NISCH: variants seen among roughly 807,000 people sequenced by gnomAD.
NISCH encodes the protein I-1 receptor candidate protein.
A neutral mutation model predicts 138.4 loss-of-function variants in NISCH; 55 were observed. The ratio of observed to expected loss-of-function variants is 0.40; its 90% CI spans 0.32 to 0.50. NISCH has a LOEUF of 0.50. NISCH is among the 20% of genes least tolerant of loss of function. The pLI is 0.71. For missense variants in NISCH, 1,643 were observed against 2,005.5 expected (o/e 0.82, Z 3.45); for synonymous variants, 860 against 861.5 (o/e 1.00, Z 0.03).
chr3:52,474,819 T>A (rs1296358483), intron 7 of NISCH, among the ~76,000 whole-genome samples: 2 of 152,224 alleles, frequency 1.3e-5, no homozygotes, highest in Non-Finnish European at 2.9e-5. Context: ...CTTAGATTGC[T>A]CCTCTAAGCT....
chr3:52,486,249 C>T (rs954095004), intron 15 of NISCH, among the ~76,000 whole-genome samples: 2 of 151,952 alleles, frequency 1.3e-5, no homozygotes, highest in Admixed American at 6.6e-5. Flanking sequence ...CTGAGTAGCC[C>T]GGACCACAGG....
intron 20 of NISCH, 89 bp from the exon 21 acceptor site, chr3:52,491,781 CGG>C: frequency 1.4e-6 from 2 of 1,453,880 alleles, no homozygotes; most frequent in Non-Finnish European, 1.9e-6. Context: ...TGTCTCATGC[CGG>C]GGTCTCTCGG....
chr3:52,457,536 A>G (rs1187755806), intron 1 of NISCH, among the ~76,000 whole-genome samples: 1 of 152,180 alleles, frequency 6.6e-6, no homozygotes, highest in Non-Finnish European at 1.5e-5. Flanking sequence ...TAAAGAGGTG[A>G]CTTGTGGTAA....
intron 3 of NISCH, among the ~76,000 whole-genome samples, chr3:52,461,382 A>G (rs1706627756): frequency 6.6e-6 from 1 of 152,216 alleles, no homozygotes; most frequent in Non-Finnish European, 1.5e-5. Context: ...CAGGTGGAAA[A>G]GTAGATAGCA....
At position 52,487,889 on chromosome 3, in the gene NISCH, C is replaced by T; in HGVS notation, c.2397C>T (p.Asn799=). ...NTLFIISDAA[N]LHEFHADLRS... ...TCTTCATTATCTCGGACGCCGCCAA[C>T]CTGCACGAGTTCCACGCGGACCTGC... The change falls in exon 16 of 21, where the codon AAC becomes AAT. Residue 799 remains asparagine (N), a synonymous_variant. Coordinates refer to ENST00000345716, the MANE Select transcript of NISCH (RefSeq NM_007184.4). The surrounding 1 kb of genome is among the most constrained non-coding windows in gnomAD (Gnocchi z 9.1). 1 of 1,612,356 alleles carries T rather than the reference C, an allele frequency of 6.2e-7. No homozygotes were observed. The highest frequency in any genetic ancestry group is 8.5e-7 in the Non-Finnish European group (1 of 1,179,958).
chr3:52,485,703 C>A, intron 14 of NISCH, 75 bp from the exon 15 acceptor site: 1 of 1,503,918 alleles, frequency 6.6e-7, no homozygotes, highest in South Asian at 1.2e-5. Flanking sequence ...ATGCCCAGCT[C>A]AGGGTCTGGC....
Position 52,457,852 on chromosome 3 carries a change from A to G in NISCH, c.103A>G (p.Ile35Val). The G allele has an allele frequency of 6.2e-7, 1 of 1,611,662 alleles. No homozygotes were observed. The highest frequency in any genetic ancestry group is 1.1e-5 in the South Asian group (1 of 91,016). Residue 35 changes from isoleucine (I) to valine (V), a missense_variant, in exon 2 of 21, where the codon ATC (isoleucine) becomes GTC (valine). Physicochemically the swap from Ile to Val is conservative, Grantham distance 29. Coordinates refer to ENST00000345716, the MANE Select transcript of NISCH (RefSeq NM_007184.4). The part of the protein sequence containing the change: ...ELVDTYTVYI[I>V]QVTDGSHEWT... The stretch of plus-strand genomic sequence containing the variant: ...TGGTTTCCCCTTTTAGGTTTACATC[A>G]TCCAGGTCACTGATGGCAGCCATGA...
intron 14 of NISCH, 55 bp downstream of exon 14, chr3:52,484,692 C>T: frequency 6.2e-7 from 1 of 1,604,844 alleles, no homozygotes; most frequent in Non-Finnish European, 8.5e-7. Context: ...GACTCTTCTG[C>T]TTGGGGTTGT....
chr3:52,491,787 C>G (rs2153231961), intron 20 of NISCH, 85 bp from the exon 21 acceptor site: 2 of 1,480,964 alleles, frequency 1.4e-6, no homozygotes, highest in Non-Finnish European at 1.8e-6. Flanking sequence ...ATGCCGGGGT[C>G]TCTCGGTTGG....
chr3:52,477,245 C>T (rs758841581), intron 8 of NISCH, among the ~76,000 whole-genome samples: 132 of 152,284 alleles, frequency 8.7e-4, no homozygotes, highest in African/African-American at 2.8e-3. Flanking sequence ...GTAAGAGTGT[C>T]GTTCCCGTGT....
At chr3:52,476,727 C>A (rs1312630793) in intron 8 of NISCH, 128 bp downstream of exon 8, 4 of 915,474 alleles carry the variant, frequency 4.4e-6, no homozygotes, top group African/African-American at 1.7e-5. Context: ...CATTGCCTGC[C>A]ATTTTAAGTT....
chr3:52,481,651 A>C, intron 13 of NISCH: 1 of 985,676 alleles, frequency 1.0e-6, no homozygotes, highest in Non-Finnish European at 1.2e-6. Flanking sequence ...TCAGTGAGTG[A>C]GTGAGTGGGC....
In NISCH at chr3:52,492,437, G is replaced by A; in HGVS notation, c.4470G>A (p.Trp1490Ter). The stretch of plus-strand genomic sequence containing the variant: ...TCATCTCGCTGTTGGCTCGCCAGTG[G>A]GAGGCCCTGTGTGGCCGTGAGCTGC... ...EKLISLLARQWEALCGRELPV... is the reference protein window; with the variant it reads ...EKLISLLARQ The change falls in exon 21 of 21, where the codon TGG (tryptophan) becomes TGA (stop). Residue 1490 changes from tryptophan to a stop codon, truncating the protein, a stop_gained. Coordinates refer to ENST00000345716, the MANE Select transcript of NISCH (RefSeq NM_007184.4). LOFTEE classifies it high-confidence loss of function. 6.2e-7 allele frequency: 1 copy of A among 1,611,780 alleles called. No individual in the cohort carries two copies. Among genetic ancestry groups the A allele is most frequent in the Non-Finnish European group, 8.5e-7 (1 of 1,179,652 alleles).
At position 52,492,431 on chromosome 3, in the gene NISCH, C is replaced by A; in HGVS notation, c.4464C>A (p.Arg1488=). 6.2e-7 allele frequency: 1 copy of A among 1,611,982 alleles called. No individual in the cohort carries two copies. The highest frequency in any genetic ancestry group is 1.3e-5 in the African/African-American group (1 of 75,062). Residue 1488 remains arginine, a synonymous_variant, in exon 21 of 21, where the codon CGC becomes CGA. Transcript: ENST00000345716. ...AGAAGCTCATCTCGCTGTTGGCTCG[C>A]CAGTGGGAGGCCCTGTGTGGCCGTG... ...SREKLISLLA[R]QWEALCGREL...
Position 52,492,536 on chromosome 3 carries a change from A to G in NISCH, c.*54A>G. The G allele has an allele frequency of 6.6e-7, 1 of 1,511,210 alleles. No homozygotes were observed. Among genetic ancestry groups the G allele is most frequent in the Non-Finnish European group, 8.8e-7 (1 of 1,136,662 alleles). The allele number at this position is 1,511,210 out of a possible 1,614,324, so 93.6% of individuals were successfully genotyped here. On this transcript the variant is annotated 3_prime_UTR_variant, in exon 21 of 21. Coordinates refer to ENST00000345716, the MANE Select transcript of NISCH (RefSeq NM_007184.4). ...AGCCTGACGCCTACTGGGGCAGGGC[A>G]GCAGGCTTTTGTGTTCTCTAAAAAT...
At chr3:52,485,519 C>T (rs1008898643) in intron 14 of NISCH, among the ~76,000 whole-genome samples, 36 of 152,266 alleles carry the variant, frequency 2.4e-4, no homozygotes, top group African/African-American at 7.9e-4. Flanking sequence ...TGGAGAGTGG[C>T]GAGAGGCTCT....
In NISCH at chr3:52,478,143, C is replaced by G. The variant is rs980590823; in HGVS notation, c.1034C>G (p.Ser345Cys). ...CTGGACCTGTCCTACAACAAGCTCT[C>G]CTCCTTGGAAGGGCTTCACACCAAG... The part of the protein sequence containing the change: ...VHLDLSYNKL[S>C]SLEGLHTKLG... Residue 345 changes from serine (S) to cysteine (C), a missense_variant, in exon 10 of 21, where the codon TCC becomes TGC. Ser to Cys is a moderately radical substitution (Grantham distance 112). Coordinates refer to ENST00000345716, the MANE Select transcript of NISCH (RefSeq NM_007184.4). 6.2e-7 allele frequency: 1 copy of G among 1,614,134 alleles called. No homozygotes were observed. The highest frequency in any genetic ancestry group is 1.3e-5 in the African/African-American group (1 of 75,038).
At chr3:52,485,953 T>A (rs2153231676) in intron 15 of NISCH, 126 bp downstream of exon 15, 1 of 802,130 alleles carries the variant, frequency 1.2e-6, no homozygotes, top group East Asian at 2.7e-5. Flanking sequence ...TATAGAACTA[T>A]TTCTTCCTCT....
At chr3:52,473,028 A>G (rs996494289) in intron 6 of NISCH, among the ~76,000 whole-genome samples, 4 of 152,174 alleles carry the variant, frequency 2.6e-5, no homozygotes, top group African/African-American at 9.7e-5. Context: ...TCCATTTTAC[A>G]GTTGGGGAAA....
Sources: gnomAD v4.1 joint callset for allele counts (sites outside exome capture counted in the v4.1 genomes callset) on GRCh38, gnomAD v4.1.1 for gene constraint, Gnocchi (gnomAD v3.1) non-coding constraint, MANE v1.5 for transcripts, NCBI Gene and HGNC (gene_info 2026-07-23, HGNC 2026-07-21) for gene names.